The following RAB18 variants were observed in gnomAD, a reference collection of about 807,000 sequenced individuals.
The protein encoded by RAB18 is RAB18, member RAS oncogene family.
Under a neutral mutation model 28.5 loss-of-function variants are expected in RAB18, and 10 were observed. The ratio of observed to expected loss-of-function variants is 0.35; its 90% CI spans 0.22 to 0.60. RAB18 has a LOEUF of 0.60. Ranked by LOEUF, RAB18 falls within the 20% of genes least tolerant of loss-of-function variation. The pLI is 0.78. For missense variants in RAB18, 188 were observed against 244.2 expected (o/e 0.77, Z 1.53); for synonymous variants, 93 against 86.9 (o/e 1.07, Z -0.39).
chr10:27,520,678 C>T (rs999076949), intron 2 of RAB18, among the ~76,000 whole-genome samples: 7 of 151,710 alleles, frequency 4.6e-5, no homozygotes, highest in East Asian at 1.9e-4. Flanking sequence ...GAACTTTGGG[C>T]GTCCAAGGCA....
intron 2 of RAB18, among the ~76,000 whole-genome samples, chr10:27,522,427 T>G (rs968395585): frequency 2.6e-5 from 4 of 152,214 alleles, no homozygotes; most frequent in Non-Finnish European, 5.9e-5. Flanking sequence ...CCTTTCACTC[T>G]CAACCTATAT....
intron 2 of RAB18, among the ~76,000 whole-genome samples, chr10:27,517,342 G>A (rs1048763044): frequency 2.0e-5 from 3 of 151,910 alleles, no homozygotes; most frequent in South Asian, 2.1e-4. Context: ...CAGCCTGGGC[G>A]ACAGAGCAAG....
At chr10:27,527,921 T>C (rs1160540877) in intron 3 of RAB18, among the ~76,000 whole-genome samples, 1 of 152,174 alleles carries the variant, frequency 6.6e-6, no homozygotes, top group African/African-American at 2.4e-5. Context: ...TACAATACTT[T>C]AAATTTGTTA....
chr10:27,536,164 G>T (rs975963454), intron 6 of RAB18, among the ~76,000 whole-genome samples: 1 of 152,122 alleles, frequency 6.6e-6, no homozygotes, highest in African/African-American at 2.4e-5. Flanking sequence ...CAATAATTAG[G>T]ATGTGAAAGA....
chr10:27,541,792 C>T lies in RAB18; in HGVS notation c.*3741C>T, dbSNP rs145920408. ...CTTGTTTGTGTGTGCTGTGGCTGCC[C>T]GATCCAGCACCTACTTCCTTCTCCC... is the stretch of plus-strand genomic sequence containing the variant. On this transcript the variant is annotated 3_prime_UTR_variant, in exon 7 of 7. Coordinates refer to ENST00000356940, the MANE Select transcript of RAB18 (RefSeq NM_021252.5). The T allele has an allele frequency of 9.5e-5, 43 of 453,768 alleles. No homozygotes were observed. Among genetic ancestry groups the T allele is most frequent in the African/African-American group, 6.4e-4 (32 of 50,012 alleles). 28.1% of individuals were successfully genotyped at this position (453,768 alleles called of 1,614,324 possible). A position where few individuals can be genotyped will look rare whatever the true frequency, so the allele number is the denominator to read the frequency against.
chr10:27,528,943 AT>A (rs1334816975), intron 3 of RAB18, among the ~76,000 whole-genome samples: 1 of 151,638 alleles, frequency 6.6e-6, no homozygotes, highest in Non-Finnish European at 1.5e-5. Flanking sequence ...TTGATAAGAG[AT>A]TTTTGCCTGT....
intron 6 of RAB18, among the ~76,000 whole-genome samples, chr10:27,534,800 T>G (rs1834859716): frequency 6.6e-6 from 1 of 152,226 alleles, no homozygotes; most frequent in Admixed American, 6.5e-5. Flanking sequence ...ACCAGGAATC[T>G]GCAAATGAAG....
In RAB18 at chr10:27,535,963, G is replaced by A. The variant is rs577276113; in HGVS notation, c.446-1913G>A. Among the ~76,000 whole-genome samples, 5 of 151,930 alleles carry A rather than the reference G, an allele frequency of 3.3e-5. No homozygotes were observed. The East Asian group carries it at 5.8e-4, about 18-fold the overall frequency. ...CCGGGCGTGGTGGCGGGTGCCTGTAGTCCCAGCTACTTGGGAGGCTGAGGC... is the reference window on the plus strand; with the variant it reads ...CCGGGCGTGGTGGCGGGTGCCTGTAATCCCAGCTACTTGGGAGGCTGAGGC... On this transcript the variant is annotated intron_variant, in intron 6 of 6. Coordinates refer to ENST00000356940, the MANE Select transcript of RAB18 (RefSeq NM_021252.5).
At position 27,540,197 on chromosome 10, in the gene RAB18, A is replaced by G. The variant is rs938408307; in HGVS notation, c.*2146A>G. On this transcript the variant is annotated 3_prime_UTR_variant, in exon 7 of 7. Transcript: ENST00000356940. ...ATTTATTGAAAGCTTCCTTGGTGCC[A>G]GATGCCTTTCTAAGTGCTGAATTAT... 1.8e-5 allele frequency: 8 copies of G among 453,988 alleles called. No homozygotes were observed. Among genetic ancestry groups the G allele is most frequent in the Non-Finnish European group, 3.1e-5 (7 of 226,782 alleles). 28.1% of individuals were successfully genotyped at this position (453,988 alleles called of 1,614,324 possible).
chr10:27,529,674 G>C (rs563448530), intron 3 of RAB18, among the ~76,000 whole-genome samples: 1 of 151,988 alleles, frequency 6.6e-6, no homozygotes, highest in South Asian at 2.1e-4. Context: ...CTACAGGATA[G>C]AGACAAAAAG....
Position 27,538,185 on chromosome 10 carries a change from A to G in RAB18, c.*134A>G. ...TTATATCATAGCAGTAAATATTTGCAAGAAATCCCACTCATCGACCCCGGG... is the reference window on the plus strand; with the variant it reads ...TTATATCATAGCAGTAAATATTTGCGAGAAATCCCACTCATCGACCCCGGG... On this transcript the variant is annotated 3_prime_UTR_variant, in exon 7 of 7. Coordinates refer to ENST00000356940, the MANE Select transcript of RAB18 (RefSeq NM_021252.5). 1 of 1,219,582 alleles carries G rather than the reference A, an allele frequency of 8.2e-7. No individual in the cohort carries two copies. Among genetic ancestry groups the G allele is most frequent in the South Asian group, 1.3e-5 (1 of 78,382 alleles). The allele number at this position is 1,219,582 out of a possible 1,614,324, so 75.5% of individuals were successfully genotyped here.
intron 2 of RAB18, among the ~76,000 whole-genome samples, chr10:27,521,367 C>T (rs963536846): frequency 7.2e-5 from 11 of 152,092 alleles, no homozygotes; most frequent in Admixed American, 2.0e-4. Flanking sequence ...TTAAAATCTC[C>T]GACTGTTTAT....
chr10:27,536,030 C>T (rs973526079), intron 6 of RAB18, among the ~76,000 whole-genome samples: 12 of 106,394 alleles, frequency 1.1e-4, no homozygotes, highest in African/African-American at 2.4e-4. Context: ...TTGCAGTGAG[C>T]GAGATCACGC....
At chr10:27,531,427 G>T in intron 3 of RAB18, 1 of 1,431,216 alleles carries the variant, frequency 7.0e-7, no homozygotes, top group Non-Finnish European at 9.2e-7. Context: ...TTTTATATCT[G>T]GGGGAGCTTC....
At chr10:27,523,477 C>G (rs568888812) in intron 2 of RAB18, among the ~76,000 whole-genome samples, 1 of 151,894 alleles carries the variant, frequency 6.6e-6, no homozygotes, top group East Asian at 1.9e-4. Flanking sequence ...TTTCTTTGAA[C>G]CTTTTCTTTC....
At chr10:27,522,013 T>C (rs575338350) in intron 2 of RAB18, among the ~76,000 whole-genome samples, 1 of 152,282 alleles carries the variant, frequency 6.6e-6, no homozygotes, top group East Asian at 1.9e-4. Context: ...GTCCTGATAT[T>C]GTATCCTTTG....
rs780468989 is a variant in RAB18, at chr10:27,541,558, A to G, written c.*3507A>G. ...TGTAAGCACACACACACCTACACAC[A>G]TATTTTGAATAGTCGTGTGTTCATG... On this transcript the variant is annotated 3_prime_UTR_variant, in exon 7 of 7. Transcript: ENST00000356940. The G allele has an allele frequency of 3.1e-5, 14 of 453,576 alleles. No homozygotes were observed. Among genetic ancestry groups the G allele is most frequent in the African/African-American group, 2.0e-4 (10 of 49,846 alleles). 28.1% of individuals were successfully genotyped at this position (453,576 alleles called of 1,614,324 possible). A position where few individuals can be genotyped will look rare whatever the true frequency, so the allele number is the denominator to read the frequency against.
chr10:27,532,513 G>A lies in RAB18; in HGVS notation c.193G>A (p.Ala65Thr). 1.3e-6 allele frequency: 2 copies of A among 1,599,340 alleles called. No homozygotes were observed. The highest frequency in any genetic ancestry group is 2.7e-5 in the African/African-American group (2 of 74,642). The part of the protein sequence containing the change: ...NKAKLAIWDT[A>T]GQERFRTLTP... ...TAATAATGATCATTTTTAGGATACT[G>A]CTGGTCAAGAGAGGTTTAGAACATT... is the stretch of plus-strand genomic sequence containing the variant. The change falls in exon 4 of 7, where the codon GCT becomes ACT. Residue 65 changes from alanine (A) to threonine (T), a missense_variant. Ala to Thr is a moderately conservative substitution (Grantham distance 58). Transcript: ENST00000356940.
At chr10:27,515,996 T>C (rs1416637755) in intron 2 of RAB18, among the ~76,000 whole-genome samples, 1 of 152,158 alleles carries the variant, frequency 6.6e-6, no homozygotes, top group East Asian at 1.9e-4. Context: ...TTGTCTATTT[T>C]TGTTGTCTTT....
Sources: gnomAD v4.1 joint callset for allele counts (sites outside exome capture counted in the v4.1 genomes callset) on GRCh38, gnomAD v4.1.1 for gene constraint, MANE v1.5 for transcripts, NCBI Gene and HGNC (gene_info 2026-07-23, HGNC 2026-07-21) for gene names.